The following PTK2 variants were observed in gnomAD, a reference collection of about 807,000 sequenced individuals.
PTK2 encodes the protein focal adhesion kinase 1.
Under a neutral mutation model 150.1 loss-of-function variants are expected in PTK2, and 45 were observed. That is an observed-to-expected ratio of 0.30 (90% CI 0.24 to 0.38). The LOEUF (loss-of-function observed/expected upper bound fraction) is 0.38, where lower values mean the gene tolerates loss of function less well. Ranked by LOEUF, PTK2 falls within the 10% of genes least tolerant of loss-of-function variation. PTK2 has a pLI of 1.00. For synonymous variants in PTK2, 432 were observed against 449.2 expected (o/e 0.96, Z 0.48); for missense variants, 919 against 1,307.3 (o/e 0.70, Z 4.58).
intron 27 of PTK2, among the ~76,000 whole-genome samples, chr8:140,683,500 T>C (rs538741839): frequency 6.6e-6 from 1 of 152,246 alleles, no homozygotes; most frequent in South Asian, 2.1e-4. Context: ...TAACTCATTC[T>C]ATGAGGCCAG....
intron 27 of PTK2, among the ~76,000 whole-genome samples, chr8:140,675,987 T>C (rs1410962426): frequency 2.6e-5 from 4 of 152,098 alleles, no homozygotes; most frequent in African/African-American, 9.7e-5. Context: ...ACTCCCAATA[T>C]CCAAGATACA....
intron 11 of PTK2, among the ~76,000 whole-genome samples, chr8:140,802,930 C>T (rs1048447664): frequency 1.3e-5 from 2 of 149,146 alleles, no homozygotes; most frequent in African/African-American, 4.9e-5. Context: ...TTTCTCTGAA[C>T]GTACCTGTTG....
At chr8:140,993,106 G>C (rs932146833) in intron 1 of PTK2, among the ~76,000 whole-genome samples, 2 of 152,158 alleles carry the variant, frequency 1.3e-5, no homozygotes, top group Non-Finnish European at 2.9e-5. Context: ...TAGAAAAAAA[G>C]TTCCAAAATT....
At chr8:140,997,645 G>A (rs1030052320) in intron 1 of PTK2, among the ~76,000 whole-genome samples, 14 of 152,176 alleles carry the variant, frequency 9.2e-5, no homozygotes, top group Non-Finnish European at 1.9e-4. Context: ...ATTTGACTAC[G>A]TCATGTACAT....
chr8:140,778,369 T>G (rs1363791168), intron 14 of PTK2, among the ~76,000 whole-genome samples: 1 of 152,206 alleles, frequency 6.6e-6, no homozygotes, highest in African/African-American at 2.4e-5. Flanking sequence ...AAGAACTGCT[T>G]GAACCCGGGA....
chr8:140,828,894 C>T (rs976226897), intron 8 of PTK2, among the ~76,000 whole-genome samples: 1 of 152,202 alleles, frequency 6.6e-6, no homozygotes, highest in Admixed American at 6.5e-5. Context: ...CTCTCTCATT[C>T]CCCTTCCACT....
At chr8:140,806,347 G>A (rs1192089371) in intron 10 of PTK2, among the ~76,000 whole-genome samples, 1 of 152,126 alleles carries the variant, frequency 6.6e-6, no homozygotes, top group Non-Finnish European at 1.5e-5. Context: ...TTTGGTCAGT[G>A]ACAAAATGCA....
chr8:140,979,227 T>C (rs1423797713), intron 1 of PTK2, among the ~76,000 whole-genome samples: 1 of 151,652 alleles, frequency 6.6e-6, no homozygotes, highest in Non-Finnish European at 1.5e-5. Flanking sequence ...AACCTGCACG[T>C]TGTGCACATG....
At chr8:140,968,209 T>C (rs1489512015) in intron 1 of PTK2, among the ~76,000 whole-genome samples, 4 of 152,182 alleles carry the variant, frequency 2.6e-5, no homozygotes, top group Non-Finnish European at 4.4e-5. Flanking sequence ...AAAACCAATA[T>C]TAACAGTAAT....
chr8:140,830,642 A>C (rs757718235), intron 7 of PTK2, 116 bp from the exon 8 acceptor site: 30 of 604,908 alleles, frequency 5.0e-5, no homozygotes, highest in Non-Finnish European at 7.8e-5. Flanking sequence ...ATTATTTAGG[A>C]AGGAAACAAG....
At position 140,852,880 on chromosome 8, in the gene PTK2, T is replaced by C. The variant is rs1195661347; in HGVS notation, c.451-6202A>G. ...CCCACGAAAGGCATATTTTTAGGGCTGGCCCTTAGTCTCTTAGAAACTAAA... is the reference window on the plus strand; with the variant it reads ...CCCACGAAAGGCATATTTTTAGGGCCGGCCCTTAGTCTCTTAGAAACTAAA... On this transcript the variant is annotated intron_variant, in intron 5 of 31. Transcript: ENST00000522684. Among the ~76,000 whole-genome samples, 3 of 152,336 alleles carry C rather than the reference T, an allele frequency of 2.0e-5. No homozygotes were observed. The East Asian group carries it at 5.8e-4, about 29-fold the overall frequency.
chr8:140,973,245 T>C (rs2100188016), intron 1 of PTK2, among the ~76,000 whole-genome samples: 1 of 152,184 alleles, frequency 6.6e-6, no homozygotes, highest in African/African-American at 2.4e-5. Flanking sequence ...ATCTTTAAGC[T>C]CTTGGAAGCT....
At chr8:140,927,975 A>AAAAAAAAAAAAAT in intron 1 of PTK2, among the ~76,000 whole-genome samples, 1 of 48,196 alleles carries the variant, frequency 2.1e-5, no homozygotes, top group Non-Finnish European at 3.4e-5. Flanking sequence ...AAAAAAAAAA[A>AAAAAAAAAAAAAT]ATATATATAT....
chr8:140,939,190 C>T (rs779971982), intron 1 of PTK2, among the ~76,000 whole-genome samples: 1 of 152,144 alleles, frequency 6.6e-6, no homozygotes, highest in African/African-American at 2.4e-5. Context: ...AAAAGTATAT[C>T]CTAACCTTTA....
At chr8:140,910,188 A>G (rs1359326633) in intron 2 of PTK2, among the ~76,000 whole-genome samples, 1 of 152,190 alleles carries the variant, frequency 6.6e-6, no homozygotes, top group East Asian at 1.9e-4. Flanking sequence ...TGATATTCTA[A>G]CAGTATTTTG....
At chr8:140,876,258 G>C (rs986780688) in intron 4 of PTK2, among the ~76,000 whole-genome samples, 7 of 151,926 alleles carry the variant, frequency 4.6e-5, no homozygotes, top group Non-Finnish European at 7.4e-5. Flanking sequence ...AGGTGTTTTT[G>C]TAAGAGGTTC....
At chr8:140,899,867 A>T (rs906292969) in intron 2 of PTK2, among the ~76,000 whole-genome samples, 1 of 152,216 alleles carries the variant, frequency 6.6e-6, no homozygotes, top group Admixed American at 6.5e-5. Flanking sequence ...GTCTCATCTC[A>T]ATAGATGAAG....
At chr8:140,879,676 G>GAAACAAA (rs2100147777) in intron 3 of PTK2, 39 bp from the exon 4 acceptor site, 1 of 31,602 alleles carries the variant, frequency 3.2e-5, no homozygotes, top group African/African-American at 2.4e-4. Flanking sequence ...GTTATAAACT[G>GAAACAAA]AAAAAAAAAA....
chr8:140,658,464 G>A (rs2075318089), exon 32 of PTK2: 1 of 187,236 alleles, frequency 5.3e-6, no homozygotes, highest in Non-Finnish European at 1.1e-5. Flanking sequence ...TTCTTCCTGA[G>A]AATAATTTAT....
Sources: gnomAD v4.1 joint callset for allele counts (sites outside exome capture counted in the v4.1 genomes callset) on GRCh38, gnomAD v4.1.1 for gene constraint, MANE v1.5 for transcripts, NCBI Gene and HGNC (gene_info 2026-07-23, HGNC 2026-07-21) for gene names.